ITPRID2: variants seen among roughly 807,000 people sequenced by gnomAD.
ITPRID2 encodes ITPR interacting domain containing 2.
ITPRID2 carries 60 observed loss-of-function variants against 124.3 expected under a neutral mutation model. The ratio of observed to expected loss-of-function variants is 0.48; its 90% CI spans 0.39 to 0.60. The LOEUF is 0.60. Ranked by LOEUF, ITPRID2 falls within the 20% of genes least tolerant of loss-of-function variation. The pLI is 0.00. For missense variants in ITPRID2, 1,553 were observed against 1,512.2 expected, an observed-to-expected ratio of 1.03 and a Z score of -0.45; for synonymous variants, 521 against 542.9, an observed-to-expected ratio of 0.96 and a Z score of 0.56.
At chr2:181,906,934 T>C (rs889186874) in intron 8 of ITPRID2, among the ~76,000 whole-genome samples, 6 of 152,208 alleles carry the variant, frequency 3.9e-5, no homozygotes, top group African/African-American at 1.4e-4. Flanking sequence ...AGCACCATGC[T>C]ACTACTTTGG....
intron 8 of ITPRID2, among the ~76,000 whole-genome samples, chr2:181,903,756 T>G (rs1692869213): frequency 6.6e-6 from 1 of 152,298 alleles, no homozygotes; most frequent in South Asian, 2.1e-4. Context: ...TTATTTCTCA[T>G]CGTAATGAGT....
chr2:181,918,976 G>T (rs1694283493), intron 13 of ITPRID2, 94 bp downstream of exon 13: 1 of 1,460,008 alleles, frequency 6.8e-7, no homozygotes. Flanking sequence ...TGATTCTACT[G>T]CTGTGTACCT....
At position 181,922,426 on chromosome 2, in the gene ITPRID2, G is replaced by A. The variant is rs781098146; in HGVS notation, c.3675+14G>A. 1 of 1,581,846 alleles carries A rather than the reference G, an allele frequency of 6.3e-7. No individual in the cohort carries two copies. Among genetic ancestry groups the A allele is most frequent in the Non-Finnish European group, 8.6e-7 (1 of 1,163,118 alleles). On this transcript the variant is annotated intron_variant, in intron 16 of 17. Transcript: ENST00000431877. ...GTCATACGGGAGGTGGGTAAAATCT[G>A]TGTTTCATTCATTTATTTGGAGGTA...
intron 2 of ITPRID2, among the ~76,000 whole-genome samples, chr2:181,895,530 T>C (rs937394964): frequency 3.3e-5 from 5 of 152,086 alleles, no homozygotes; most frequent in Admixed American, 3.3e-4. Flanking sequence ...TAGGTGATGC[T>C]CTGAAATGCT....
intron 14 of ITPRID2, 109 bp from the exon 15 acceptor site, chr2:181,920,488 T>G: frequency 4.1e-6 from 3 of 727,060 alleles, no homozygotes; most frequent in Non-Finnish European, 6.2e-6. Flanking sequence ...TTAATTTTAT[T>G]ATAAAAGTCT....
At chr2:181,916,474 T>G (rs375380579) in intron 11 of ITPRID2, 47 bp downstream of exon 11, 11 of 1,559,364 alleles carry the variant, frequency 7.1e-6, no homozygotes, top group Non-Finnish European at 9.5e-6. Flanking sequence ...TTTACTGCTC[T>G]GAGCACTTTT....
In ITPRID2 at chr2:181,920,586, T is replaced by C; in HGVS notation, c.3145-11T>C. On this transcript the variant is annotated splice_polypyrimidine_tract_variant and intron_variant, in intron 14 of 17. Transcript: ENST00000431877. The stretch of plus-strand genomic sequence containing the variant: ...CACATATACATATATATATTGTTCT[T>C]ACCTTTTCAGGGAATGTGTGGCAGT... The C allele has an allele frequency of 6.2e-7, 1 of 1,607,910 alleles. No homozygotes were observed. Among genetic ancestry groups the C allele is most frequent in the Non-Finnish European group, 8.5e-7 (1 of 1,174,944 alleles).
intron 9 of ITPRID2, among the ~76,000 whole-genome samples, chr2:181,912,585 AT>A (rs1693689328): frequency 6.6e-6 from 1 of 152,226 alleles, no homozygotes. Flanking sequence ...TTTAAATTTT[AT>A]TTAATTATAT....
In ITPRID2 at chr2:181,915,557, A is replaced by G. The variant is rs779691582; in HGVS notation, c.1917A>G (p.Glu639=). ...FPAETVELLR[E]ASAESDVGKS... ...CAGAGACAGTAGAGCTACTGAGGGAAGCAAGTGCTGAAAGTGATGTGGGTA... is the reference window on the plus strand; with the variant it reads ...CAGAGACAGTAGAGCTACTGAGGGAGGCAAGTGCTGAAAGTGATGTGGGTA... Residue 639 remains glutamate, a synonymous_variant, in exon 11 of 18, where the codon GAA becomes GAG. Coordinates refer to ENST00000431877, the MANE Select transcript of ITPRID2 (RefSeq NM_001130445.3). 6.2e-7 allele frequency: 1 copy of G among 1,614,234 alleles called. No individual in the cohort carries two copies. The highest frequency in any genetic ancestry group is 1.1e-5 in the South Asian group (1 of 91,086).
chr2:181,912,614 ATG>A (rs1407731926), intron 9 of ITPRID2, among the ~76,000 whole-genome samples: 1 of 152,118 alleles, frequency 6.6e-6, no homozygotes, highest in African/African-American at 2.4e-5. Context: ...CTCTTTTTCT[ATG>A]TGGTTCATAT....
At chr2:181,899,220 C>A (rs1692462598) in intron 6 of ITPRID2, 108 bp downstream of exon 6, 2 of 788,132 alleles carry the variant, frequency 2.5e-6, no homozygotes, top group Non-Finnish European at 4.0e-6. Context: ...TCAGAAAGAA[C>A]ACAAAAAGAG....
chr2:181,917,131 G>C lies in ITPRID2; in HGVS notation c.2787+704G>C, dbSNP rs899987113. The C allele has an allele frequency of 5.0e-5, 20 of 399,278 alleles. No individual in the cohort carries two copies. In the East Asian group the frequency reaches 1.1e-3, roughly 23 times the overall value. 24.7% of individuals were successfully genotyped at this position (399,278 alleles called of 1,614,324 possible). ...TTTGAAAATAAGTACGTTGTCTTCA[G>C]TTTTGCCTTTTACATTTTCTTGAAC... is the stretch of plus-strand genomic sequence containing the variant. On this transcript the variant is annotated intron_variant, in intron 11 of 17. Coordinates refer to ENST00000431877, the MANE Select transcript of ITPRID2 (RefSeq NM_001130445.3).
chr2:181,930,377 A>G lies in ITPRID2; in HGVS notation c.*830A>G, dbSNP rs1574325218. On this transcript the variant is annotated 3_prime_UTR_variant, in exon 18 of 18. Coordinates refer to ENST00000431877, the MANE Select transcript of ITPRID2 (RefSeq NM_001130445.3). ...GAATAAGCTGGTGTTTGTTTTTTCA[A>G]AATGGAAGTAATTTAGATTTGTTCT... 1 of 152,552 alleles carries G rather than the reference A, an allele frequency of 6.6e-6. No individual in the cohort carries two copies. Among genetic ancestry groups the G allele is most frequent in the Admixed American group, 6.5e-5 (1 of 15,274 alleles). 9.4% of individuals were successfully genotyped at this position (152,552 alleles called of 1,614,324 possible).
intron 16 of ITPRID2, among the ~76,000 whole-genome samples, chr2:181,923,547 G>A (rs982814280): frequency 9.2e-5 from 14 of 152,100 alleles, no homozygotes; most frequent in African/African-American, 3.1e-4. Context: ...ACCCTACTCG[G>A]TCAGGTGTGT....
At chr2:181,922,459 G>C in intron 16 of ITPRID2, 47 bp downstream of exon 16, 1 of 1,463,152 alleles carries the variant, frequency 6.8e-7, no homozygotes, top group South Asian at 1.4e-5. Context: ...GTATATGTTA[G>C]AGGAGATTTT....
intron 16 of ITPRID2, among the ~76,000 whole-genome samples, chr2:181,927,407 T>C (rs1283903508): frequency 2.0e-5 from 3 of 152,206 alleles, no homozygotes; most frequent in Non-Finnish European, 2.9e-5. Context: ...GATAGGCATA[T>C]GTAAGTGTTT....
rs745920017 is a variant in ITPRID2, at chr2:181,922,221, A to G, written c.3484A>G (p.Arg1162Gly). 3.7e-5 allele frequency: 60 copies of G among 1,614,146 alleles called. No homozygotes were observed. Among genetic ancestry groups the G allele is most frequent in the South Asian group, 1.1e-5 (1 of 91,090 alleles). ...GGCTCTAACGCCAACAGCTCCTTCT[A>G]GAACAGGCTCTGTGCAGACACCTCC... is the stretch of plus-strand genomic sequence containing the variant. Reference protein sequence around the residue: ...SVALTPTAPSRTGSVQTPPDL... With the variant: ...SVALTPTAPSGTGSVQTPPDL... Residue 1162 changes from arginine (R) to glycine (G), a missense_variant, in exon 16 of 18, where the codon AGA becomes GGA. Arg to Gly is a moderately radical substitution (Grantham distance 125). Coordinates refer to ENST00000431877, the MANE Select transcript of ITPRID2 (RefSeq NM_001130445.3).
chr2:181,901,787 T>C lies in ITPRID2; in HGVS notation c.734T>C (p.Val245Ala), dbSNP rs1692686873. The change falls in exon 8 of 18, where the codon GTG (valine) becomes GCG (alanine). Residue 245 changes from valine to alanine, a missense_variant. By Grantham distance (64) the Val-to-Ala change is moderately conservative. Transcript: ENST00000431877. ...ALTSRFRQIE[V>A]LTTVANAFSS... is the part of the protein sequence containing the mutation. The stretch of plus-strand genomic sequence containing the variant: ...GTAGGCCGTTTTCGTCAAATTGAAG[T>C]GCTTACTACTGTGGCCAATGCGTTT... The C allele has an allele frequency of 1.3e-6, 2 of 1,589,510 alleles. No homozygotes were observed. Among genetic ancestry groups the C allele is most frequent in the African/African-American group, 1.4e-5 (1 of 73,748 alleles).
intron 8 of ITPRID2, among the ~76,000 whole-genome samples, chr2:181,908,087 C>A (rs1052980494): frequency 1.3e-5 from 2 of 152,074 alleles, no homozygotes; most frequent in African/African-American, 4.8e-5. Flanking sequence ...TAAAGGTGAG[C>A]AGCCGGGTGC....
Sources: allele counts gnomAD v4.1 joint callset (sites outside exome capture counted in the v4.1 genomes callset), GRCh38; gene constraint gnomAD v4.1.1; transcripts MANE v1.5; gene names NCBI Gene and HGNC (gene_info 2026-07-23, HGNC 2026-07-21).